Variants in PRUNE2 observed in about 807,000 individuals in gnomAD.
PRUNE2 encodes protein prune homolog 2.
Under a neutral mutation model 252.0 loss-of-function variants are expected in PRUNE2, and 164 were observed. The ratio of observed to expected loss-of-function variants is 0.65; its 90% confidence interval spans 0.57 to 0.74. The LOEUF (loss-of-function observed/expected upper bound fraction) is 0.74, where lower values mean the gene tolerates loss of function less well. Ranked by LOEUF, PRUNE2 falls within the 30% of genes least tolerant of loss-of-function variation. The probability of loss-of-function intolerance (pLI) is 0.00; values close to 1 mark genes in which losing one functional copy is unlikely to be tolerated. For missense variants in PRUNE2, 3,495 were observed against 3,711.0 expected (o/e 0.94, Z 1.51); for synonymous variants, 1,292 against 1,350.2 (o/e 0.96, Z 0.94).
At chr9:76,803,777 G>C (rs901825766) in intron 6 of PRUNE2, among the ~76,000 whole-genome samples, 1 of 152,154 alleles carries the variant, frequency 6.6e-6, no homozygotes, top group African/African-American at 2.4e-5. Flanking sequence ...TGAGGTAAGA[G>C]GGGTAGAAAA....
chr9:76,703,267 T>C (rs2046041667), intron 9 of PRUNE2, 70 bp downstream of exon 9: 22 of 1,400,242 alleles, frequency 1.6e-5, no homozygotes, highest in Admixed American at 5.1e-5. Flanking sequence ...TTCCATAACC[T>C]CTAACCATTT....
At chr9:76,615,779 T>TTTTTTG (rs1829271520) in intron 18 of PRUNE2, among the ~76,000 whole-genome samples, 1 of 140,374 alleles carries the variant, frequency 7.1e-6, no homozygotes, top group Non-Finnish European at 1.5e-5. Flanking sequence ...GTTTTTTTTT[T>TTTTTTG]TTTTTTTTTG....
chr9:76,664,527 CATTT>C (rs2039751334), intron 9 of PRUNE2, among the ~76,000 whole-genome samples: 1 of 152,176 alleles, frequency 6.6e-6, no homozygotes, highest in Non-Finnish European at 1.5e-5. Context: ...TTATTTTATT[CATTT>C]ATTTTTTGAG....
At chr9:76,747,034 C>A (rs2050187408) in intron 6 of PRUNE2, among the ~76,000 whole-genome samples, 1 of 152,224 alleles carries the variant, frequency 6.6e-6, no homozygotes, top group African/African-American at 2.4e-5. Context: ...GAAGCCCAGA[C>A]TTTTGACTGG....
chr9:76,839,526 A>AG (rs904421457), intron 4 of PRUNE2, among the ~76,000 whole-genome samples: 1 of 152,206 alleles, frequency 6.6e-6, no homozygotes, highest in African/African-American at 2.4e-5. Flanking sequence ...CAGTGGGAAA[A>AG]GGGGGAAATC....
chr9:76,680,825 C>T (rs2043341035), intron 9 of PRUNE2, among the ~76,000 whole-genome samples: 1 of 152,138 alleles, frequency 6.6e-6, no homozygotes, highest in African/African-American at 2.4e-5. Context: ...GCACATCTTA[C>T]ATGGCAATAG....
At chr9:76,753,781 G>T (rs764524266) in intron 6 of PRUNE2, among the ~76,000 whole-genome samples, 19 of 152,240 alleles carry the variant, frequency 1.2e-4, no homozygotes, top group Admixed American at 3.9e-4. Context: ...AGCTGGGCGT[G>T]GTGGCGGGCA....
chr9:76,637,313 G>T, intron 14 of PRUNE2, 105 bp downstream of exon 14: 1 of 1,084,086 alleles, frequency 9.2e-7, no homozygotes, highest in Non-Finnish European at 1.3e-6. Context: ...ATTGAGACTT[G>T]GTTTCTTCTT....
chr9:76,683,589 A>G (rs2043729838), intron 9 of PRUNE2, among the ~76,000 whole-genome samples: 2 of 152,208 alleles, frequency 1.3e-5, no homozygotes, highest in Admixed American at 6.6e-5. Flanking sequence ...GGAAGCTTAC[A>G]TGTGGTATAT....
chr9:76,677,545 C>T (rs1371051158), intron 9 of PRUNE2, among the ~76,000 whole-genome samples: 5 of 152,202 alleles, frequency 3.3e-5, no homozygotes, highest in East Asian at 3.8e-4. Flanking sequence ...TGCTGGCAGC[C>T]GGCCCTCTGT....
At chr9:76,900,761 G>T (rs139749186) in intron 1 of PRUNE2, among the ~76,000 whole-genome samples, 1 of 152,024 alleles carries the variant, frequency 6.6e-6, no homozygotes, top group Non-Finnish European at 1.5e-5. Context: ...CCAGATCCAA[G>T]TATTCTTCCC....
intron 12 of PRUNE2, among the ~76,000 whole-genome samples, chr9:76,640,528 CAT>C (rs775544817): frequency 6.6e-5 from 10 of 152,086 alleles, no homozygotes; most frequent in Middle Eastern, 3.2e-3. Context: ...TGATGCAACA[CAT>C]GTTTGTGAGA....
intron 9 of PRUNE2, among the ~76,000 whole-genome samples, chr9:76,663,326 G>A (rs1242145928): frequency 1.3e-5 from 2 of 152,052 alleles, no homozygotes; most frequent in Non-Finnish European, 2.9e-5. Flanking sequence ...AAGCCAGCCA[G>A]CTGAAGAGAG....
rs768498301 is a variant in PRUNE2 at position 76,855,841 on chromosome 9, T to C, written c.37-1633A>G. 8.5e-5 allele frequency among the ~76,000 whole-genome samples: 13 copies of C among 152,208 alleles called. No individual in the cohort carries two copies. The South Asian group carries it at 1.0e-3, about 12-fold the overall frequency. Reference sequence around the variant, plus strand: ...TCTTCCTCTCCCAGTTTCCTTCCCCTACACTCATAAATTTATAGTTGGCTC... The same window carrying C: ...TCTTCCTCTCCCAGTTTCCTTCCCCCACACTCATAAATTTATAGTTGGCTC... On this transcript the variant is annotated intron_variant, in intron 1 of 18. Transcript: ENST00000376718.
chr9:76,850,086 T>G (rs2059877231), intron 3 of PRUNE2, among the ~76,000 whole-genome samples: 1 of 152,110 alleles, frequency 6.6e-6, no homozygotes, highest in Non-Finnish European at 1.5e-5. Context: ...TCTCACTCTT[T>G]CATCCAGGCT....
At chr9:76,635,568 A>G (rs1839707931) in intron 15 of PRUNE2, among the ~76,000 whole-genome samples, 1 of 152,186 alleles carries the variant, frequency 6.6e-6, no homozygotes, top group Non-Finnish European at 1.5e-5. Flanking sequence ...GAAGTGGGGA[A>G]TAAGAATAAT....
intron 6 of PRUNE2, among the ~76,000 whole-genome samples, chr9:76,754,144 C>T (rs572288855): frequency 1.5e-4 from 23 of 152,048 alleles, no homozygotes; most frequent in Middle Eastern, 3.4e-3. Flanking sequence ...ACACCTAGTC[C>T]CTTAAAAATA....
chr9:76,844,089 T>C (rs896346963), intron 4 of PRUNE2, among the ~76,000 whole-genome samples: 2 of 152,172 alleles, frequency 1.3e-5, no homozygotes, highest in African/African-American at 4.8e-5. Context: ...GACCTATTAC[T>C]CCAACATAGT....
At position 76,658,204 on chromosome 9, in the gene PRUNE2, C is replaced by T. The variant is rs570617491; in HGVS notation, c.8277-2702G>A. On this transcript the variant is annotated intron_variant, in intron 9 of 18. Transcript: ENST00000376718. Reference sequence around the variant, plus strand: ...AGAAACCCCATCTCTACTAAAAATACAAAATTAGCTGGGTGTGGTGGCGCA... The same window carrying T: ...AGAAACCCCATCTCTACTAAAAATATAAAATTAGCTGGGTGTGGTGGCGCA... 8.5e-5 allele frequency among the ~76,000 whole-genome samples: 13 copies of T among 152,242 alleles called. No individual in the cohort carries two copies. In the South Asian group the frequency reaches 2.1e-3, roughly 24 times the overall value.
Sources: gnomAD v4.1 joint callset for allele counts (sites outside exome capture counted in the v4.1 genomes callset) on GRCh38, gnomAD v4.1.1 for gene constraint, MANE v1.5 for transcripts, NCBI Gene and HGNC (gene_info 2026-07-23, HGNC 2026-07-21) for gene names.